Variants in LRRC9 observed in about 807,000 individuals in gnomAD.
The protein encoded by LRRC9 is leucine rich repeat containing 9.
Under a neutral mutation model 63.2 loss-of-function variants are expected in LRRC9, and 122 were observed. The ratio of observed to expected loss-of-function variants is 1.93; its 90% CI spans 1.67 to 2.24. The LOEUF (loss-of-function observed/expected upper bound fraction) is 2.24. Ranked by LOEUF, LRRC9 falls within the 30% of genes most tolerant of loss-of-function variation. The pLI is 0.00. For synonymous variants in LRRC9, 366 were observed against 213.1 expected (o/e 1.72, Z -6.25); for missense variants, 1,071 against 627.7 (o/e 1.71, Z -7.55).
chr14:60,049,013 A>C (rs1730082923), intron 29 of LRRC9, among the ~76,000 whole-genome samples: 1 of 152,226 alleles, frequency 6.6e-6, no homozygotes, highest in Non-Finnish European at 1.5e-5. Flanking sequence ...CATCACATGC[A>C]AAGAACTAAA....
At chr14:59,991,765 G>T (rs1353844775) in intron 17 of LRRC9, among the ~76,000 whole-genome samples, 1 of 120,572 alleles carries the variant, frequency 8.3e-6, no homozygotes, top group Non-Finnish European at 1.9e-5. Context: ...AGCAAGGCTG[G>T]GGGAGGGGTG....
intron 29 of LRRC9, among the ~76,000 whole-genome samples, chr14:60,050,479 T>A (rs1893800360): frequency 6.6e-6 from 1 of 152,220 alleles, no homozygotes; most frequent in Non-Finnish European, 1.5e-5. Flanking sequence ...TGTTTTATTA[T>A]GTTTCTTAGC....
chr14:60,006,506 T>C, exon 22 of LRRC9: 1 of 702,114 alleles, frequency 1.4e-6, no homozygotes, highest in Non-Finnish European at 2.6e-6. Flanking sequence ...CGCTTTCTCT[T>C]GAGAACAACA....
chr14:60,026,873 C>A (rs1891596236), intron 27 of LRRC9, among the ~76,000 whole-genome samples: 1 of 151,914 alleles, frequency 6.6e-6, no homozygotes, highest in African/African-American at 2.4e-5. Context: ...TGTCTTTATG[C>A]CAGTTCTTAA....
At chr14:59,994,755 G>A (rs905287323) in intron 17 of LRRC9, among the ~76,000 whole-genome samples, 11 of 151,272 alleles carry the variant, frequency 7.3e-5, no homozygotes, top group African/African-American at 2.2e-4. Flanking sequence ...GCAAACTATC[G>A]CAAAGACAAA....
At chr14:60,023,130 T>TA (rs900012389) in intron 27 of LRRC9, among the ~76,000 whole-genome samples, 13 of 151,612 alleles carry the variant, frequency 8.6e-5, no homozygotes, top group South Asian at 4.2e-4. Context: ...TAAAAAACAA[T>TA]AAAAAAAACA....
At chr14:60,009,500 G>A (rs1037856578) in intron 23 of LRRC9, among the ~76,000 whole-genome samples, 1 of 152,134 alleles carries the variant, frequency 6.6e-6, no homozygotes, top group African/African-American at 2.4e-5. Flanking sequence ...CCTGCCACTG[G>A]GTCCCTCCCA....
chr14:60,018,003 C>T (rs1890828607), intron 24 of LRRC9, among the ~76,000 whole-genome samples: 1 of 151,942 alleles, frequency 6.6e-6, no homozygotes, highest in Non-Finnish European at 1.5e-5. Context: ...AGTTTATAAC[C>T]TGAAAAGCTT....
intron 8 of LRRC9, among the ~76,000 whole-genome samples, chr14:59,953,555 T>C (rs941583595): frequency 3.3e-5 from 5 of 152,230 alleles, no homozygotes; most frequent in African/African-American, 1.2e-4. Flanking sequence ...AGATTCTAGG[T>C]ATTAGACCTC....
intron 1 of LRRC9, among the ~76,000 whole-genome samples, chr14:59,925,976 C>A (rs557309760): frequency 6.6e-6 from 1 of 152,180 alleles, no homozygotes; most frequent in East Asian, 1.9e-4. Flanking sequence ...CTACAAGGGG[C>A]TTCCCCCTTC....
intron 23 of LRRC9, among the ~76,000 whole-genome samples, chr14:60,009,944 G>T (rs963344712): frequency 3.9e-5 from 6 of 152,190 alleles, no homozygotes; most frequent in Non-Finnish European, 7.3e-5. Flanking sequence ...GCAAGAGGCG[G>T]GCTCCCACAG....
At chr14:60,052,805 T>C (rs981462433) in intron 29 of LRRC9, among the ~76,000 whole-genome samples, 12 of 152,236 alleles carry the variant, frequency 7.9e-5, no homozygotes, top group African/African-American at 2.9e-4. Flanking sequence ...TTCATGAGTT[T>C]GGATTGCCTG....
chr14:59,968,400 T>C (rs1441188034), intron 12 of LRRC9, among the ~76,000 whole-genome samples: 5 of 152,188 alleles, frequency 3.3e-5, no homozygotes, highest in African/African-American at 1.2e-4. Flanking sequence ...CACTGAATTG[T>C]ATGCTGGAAA....
chr14:59,981,539 G>A (rs917644507), intron 15 of LRRC9, among the ~76,000 whole-genome samples: 17 of 152,112 alleles, frequency 1.1e-4, no homozygotes, highest in African/African-American at 3.9e-4. Context: ...CTATTTACCT[G>A]TCAGTTCAGT....
intron 8 of LRRC9, among the ~76,000 whole-genome samples, chr14:59,948,456 A>G (rs970154155): frequency 1.5e-5 from 2 of 135,272 alleles, no homozygotes; most frequent in Non-Finnish European, 3.1e-5. Flanking sequence ...ATCTGCAAAC[A>G]GGGACAATTT....
At chr14:60,022,187 C>T in intron 26 of LRRC9, among the ~76,000 whole-genome samples, 1 of 151,660 alleles carries the variant, frequency 6.6e-6, no homozygotes. Flanking sequence ...TTTTGTAGTT[C>T]TCTGTGTACA....
chr14:59,991,465 G>A (rs1420944720), intron 17 of LRRC9, among the ~76,000 whole-genome samples: 1 of 152,134 alleles, frequency 6.6e-6, no homozygotes, highest in Non-Finnish European at 1.5e-5. Context: ...GTCGGAAAGT[G>A]GGTGCAGAAC....
intron 13 of LRRC9, among the ~76,000 whole-genome samples, chr14:59,975,066 A>ATG (rs1203786294): frequency 0.019 from 270 of 14,112 alleles, 40 homozygotes; most frequent in Admixed American, 0.027. Context: ...GAACTAAACT[A>ATG]TGTGTGTGTG....
rs1887448252 is a variant in LRRC9, at chr14:59,986,155, G to C, written c.2211+931G>C. On this transcript the variant is annotated intron_variant, in intron 17 of 31. Coordinates refer to ENST00000445360, the Ensembl canonical transcript of LRRC9. The surrounding 1 kb of genome is among the most constrained non-coding windows in gnomAD (Gnocchi z 4.7). ...GTGTTTGCCTTCTTGTATATCATAG[G>C]ACAATACAGGAATGCACATGTACAC... Among the ~76,000 whole-genome samples, 1 of 152,084 alleles carries C rather than the reference G, an allele frequency of 6.6e-6. No homozygotes were observed. The highest frequency in any genetic ancestry group is 2.1e-4 in the South Asian group (1 of 4,832).
Sources: gnomAD v4.1 joint callset for allele counts (sites outside exome capture counted in the v4.1 genomes callset) on GRCh38, gnomAD v4.1.1 for gene constraint, Gnocchi (gnomAD v3.1) non-coding constraint, MANE v1.5 for transcripts, NCBI Gene and HGNC (gene_info 2026-07-23, HGNC 2026-07-21) for gene names.